The following AGBL1 variants were observed in gnomAD, a reference collection of about 807,000 sequenced individuals.
The protein encoded by AGBL1 is AGBL carboxypeptidase 1.
A neutral mutation model predicts 118.9 loss-of-function variants in AGBL1; 130 were observed. That is an observed-to-expected ratio of 1.09 (90% CI 0.95 to 1.26). The LOEUF (loss-of-function observed/expected upper bound fraction) is 1.26, where lower values mean the gene tolerates loss of function less well. Among genes scored for constraint, AGBL1 ranks in the 50% most tolerant of loss-of-function variants. The probability of loss-of-function intolerance (pLI) is 0.00; values close to 1 mark genes in which losing one functional copy is unlikely to be tolerated. For missense variants in AGBL1, 1,584 were observed against 1,298.1 expected (o/e 1.22, Z -3.38); for synonymous variants, 555 against 478.9 (o/e 1.16, Z -2.08).
At chr15:86,166,952 G>A (rs543118641) in intron 5 of AGBL1, among the ~76,000 whole-genome samples, 5 of 152,188 alleles carry the variant, frequency 3.3e-5, no homozygotes, top group East Asian at 1.9e-4. Context: ...TGTACAGCTC[G>A]TACCTCCCTA....
intron 22 of AGBL1, among the ~76,000 whole-genome samples, chr15:86,702,714 T>C (rs1208035407): frequency 6.6e-6 from 1 of 152,144 alleles, no homozygotes; most frequent in Non-Finnish European, 1.5e-5. Context: ...TTCACACTTT[T>C]CTTGCATCTC....
intron 22 of AGBL1, among the ~76,000 whole-genome samples, chr15:86,828,919 T>C (rs1483118828): frequency 8.8e-5 from 1 of 11,310 alleles, no homozygotes; most frequent in African/African-American, 1.9e-4. Flanking sequence ...CAAAAGTATA[T>C]ATATATATAT....
intron 19 of AGBL1, 132 bp from the exon 20 acceptor site, chr15:86,545,870 C>A: frequency 8.8e-7 from 1 of 1,140,878 alleles, no homozygotes; most frequent in Non-Finnish European, 1.2e-6. Flanking sequence ...TCTGCTAACT[C>A]AACAGCATCC....
Position 86,951,476 on chromosome 15 carries a change from C to A in AGBL1, c.3222-36511C>A, listed in dbSNP as rs147202576. 2.7e-4 allele frequency among the ~76,000 whole-genome samples: 41 copies of A among 152,172 alleles called. No individual in the cohort carries two copies. In the East Asian group the frequency reaches 6.6e-3, roughly 24 times the overall value. ...GTAAAGACATTTTAGTAAAATAATT[C>A]AAAAAATTCTATATAGTAACAAAGT... On this transcript the variant is annotated intron_variant, in intron 23 of 24. Transcript: ENST00000441037.
At chr15:86,409,341 A>G (rs1339619932) in intron 18 of AGBL1, among the ~76,000 whole-genome samples, 1 of 152,128 alleles carries the variant, frequency 6.6e-6, no homozygotes, top group Non-Finnish European at 1.5e-5. Flanking sequence ...AATGGAAATT[A>G]TTTGCTCTGG....
intron 24 of AGBL1, among the ~76,000 whole-genome samples, chr15:87,025,236 G>A (rs191972802): frequency 6.6e-6 from 1 of 151,916 alleles, no homozygotes; most frequent in African/African-American, 2.4e-5. Context: ...AAACCCTAAA[G>A]ACTCCTCCAG....
chr15:86,191,190 C>CA (rs925364070), intron 5 of AGBL1, among the ~76,000 whole-genome samples: 33 of 150,622 alleles, frequency 2.2e-4, no homozygotes, highest in Non-Finnish European at 3.0e-4. Flanking sequence ...ACTAAAAATA[C>CA]AAAAAAAATT....
intron 5 of AGBL1, among the ~76,000 whole-genome samples, chr15:86,178,763 A>G (rs1053348583): frequency 1.6e-4 from 24 of 152,358 alleles, no homozygotes; most frequent in African/African-American, 5.1e-4. Flanking sequence ...TACCAAAAGC[A>G]GGCAAAGACT....
chr15:86,145,729 G>C (rs998562986), intron 3 of AGBL1, among the ~76,000 whole-genome samples: 1 of 152,198 alleles, frequency 6.6e-6, no homozygotes, highest in Non-Finnish European at 1.5e-5. Flanking sequence ...GATATTTACT[G>C]CATGTCTCCT....
chr15:86,490,347 G>A (rs952313801), intron 18 of AGBL1, among the ~76,000 whole-genome samples: 35 of 152,162 alleles, frequency 2.3e-4, no homozygotes, highest in African/African-American at 8.4e-4. Context: ...TCTTGTACCT[G>A]TAGGCATTTT....
chr15:86,414,830 C>G (rs1356518815), intron 18 of AGBL1, among the ~76,000 whole-genome samples: 1 of 152,128 alleles, frequency 6.6e-6, no homozygotes, highest in Non-Finnish European at 1.5e-5. Flanking sequence ...AGAAGAAGCA[C>G]ATTAGCATCG....
chr15:86,529,905 T>C (rs2083325052), intron 19 of AGBL1, among the ~76,000 whole-genome samples: 3 of 139,118 alleles, frequency 2.2e-5, no homozygotes, highest in Admixed American at 1.4e-4. Flanking sequence ...GACAAGCAAA[T>C]GCTGAGAGAT....
At chr15:86,198,468 T>C (rs1292390790) in intron 5 of AGBL1, among the ~76,000 whole-genome samples, 2 of 152,304 alleles carry the variant, frequency 1.3e-5, no homozygotes, top group East Asian at 1.9e-4. Flanking sequence ...GAGAAAGATA[T>C]TAATTTCAAG....
chr15:86,342,794 G>C (rs1168845400), intron 17 of AGBL1, among the ~76,000 whole-genome samples: 1 of 152,166 alleles, frequency 6.6e-6, no homozygotes, highest in Non-Finnish European at 1.5e-5. Context: ...GTAGGTACTA[G>C]ATTTATGTTG....
At chr15:86,306,064 T>C (rs2079835793) in intron 17 of AGBL1, among the ~76,000 whole-genome samples, 1 of 152,098 alleles carries the variant, frequency 6.6e-6, no homozygotes, top group East Asian at 1.9e-4. Flanking sequence ...ATATTTACGG[T>C]GCACATGAAA....
chr15:86,494,068 TCA>T (rs1209097235), intron 18 of AGBL1, among the ~76,000 whole-genome samples: 8 of 152,058 alleles, frequency 5.3e-5, no homozygotes, highest in Non-Finnish European at 8.8e-5. Flanking sequence ...CACTGACATC[TCA>T]GTCCTTGTGA....
At chr15:86,534,427 G>A (rs1274461987) in intron 19 of AGBL1, among the ~76,000 whole-genome samples, 1 of 152,164 alleles carries the variant, frequency 6.6e-6, no homozygotes, top group East Asian at 1.9e-4. Flanking sequence ...ATGATCTCTT[G>A]AGTCTTCTGC....
intron 14 of AGBL1, among the ~76,000 whole-genome samples, chr15:86,270,562 T>G (rs1307099082): frequency 6.6e-6 from 1 of 152,202 alleles, no homozygotes; most frequent in Non-Finnish European, 1.5e-5. Flanking sequence ...TTATTTCAAA[T>G]GTTTTGAGGA....
In AGBL1 at chr15:86,433,266, CTTTTTT is replaced by C. The variant is rs59417397; in HGVS notation, c.2555+35742_2555+35747del. Among the ~76,000 whole-genome samples the C allele has an allele frequency of 1.9e-3, 142 of 74,866 alleles. 1 individual carries two copies. The highest frequency in any genetic ancestry group is 3.1e-3 in the African/African-American group (58 of 18,982). 49.1% of individuals were successfully genotyped at this position (74,866 alleles called of 152,430 possible). On this transcript the variant is annotated intron_variant, in intron 18 of 22. Transcript: ENST00000614907. ...TCTCCTCCTCCTCCTCCTCCTTCTTCTTTTTTTTTTTTTTTTTTTTTTTTTTTGCCA... is the reference window on the plus strand; with the variant it reads ...TCTCCTCCTCCTCCTCCTCCTTCTTCTTTTTTTTTTTTTTTTTTTTTGCCA...
Sources: gnomAD v4.1 joint callset for allele counts (sites outside exome capture counted in the v4.1 genomes callset) on GRCh38, gnomAD v4.1.1 for gene constraint, MANE v1.5 for transcripts, NCBI Gene and HGNC (gene_info 2026-07-23, HGNC 2026-07-21) for gene names.